The following CCDC38 variants were observed in gnomAD, a reference collection of about 807,000 sequenced individuals.
CCDC38 encodes coiled-coil domain containing 38.
CCDC38 carries 69 observed loss-of-function variants against 72.8 expected under a neutral mutation model. That is an observed-to-expected ratio of 0.95 (90% CI 0.78 to 1.16). CCDC38 has a LOEUF of 1.16. Among genes scored for constraint, CCDC38 ranks in the 50% most tolerant of loss-of-function variants. The pLI is 0.00. For missense variants in CCDC38, 626 were observed against 638.9 expected (o/e 0.98, Z 0.22); for synonymous variants, 201 against 213.2 (o/e 0.94, Z 0.50).
chr12:95,925,144 T>G (rs2080254789), intron 2 of CCDC38, among the ~76,000 whole-genome samples: 1 of 152,076 alleles, frequency 6.6e-6, no homozygotes, highest in Non-Finnish European at 1.5e-5. Flanking sequence ...ATGGCCATTT[T>G]CACGATATTG....
intron 15 of CCDC38, among the ~76,000 whole-genome samples, chr12:95,868,053 A>G (rs2079541869): frequency 6.6e-6 from 1 of 152,204 alleles, no homozygotes; most frequent in African/African-American, 2.4e-5. Context: ...CTTCTGCAAT[A>G]TCGGAATTTT....
intron 4 of CCDC38, among the ~76,000 whole-genome samples, chr12:95,915,512 G>A (rs11108331): frequency 4.6e-5 from 7 of 152,102 alleles, no homozygotes; most frequent in African/African-American, 1.4e-4. Context: ...GATGGGCACC[G>A]AGCAGTTTGC....
intron 2 of CCDC38, among the ~76,000 whole-genome samples, chr12:95,932,815 G>C (rs567111548): frequency 6.6e-6 from 1 of 152,292 alleles, no homozygotes; most frequent in African/African-American, 2.4e-5. Flanking sequence ...GACAAGAATA[G>C]TGAGAACCCT....
chr12:95,875,785 T>A (rs1004654362), intron 13 of CCDC38, among the ~76,000 whole-genome samples: 1 of 152,226 alleles, frequency 6.6e-6, no homozygotes. Flanking sequence ...TTTACACTTG[T>A]GATCAAAATT....
intron 13 of CCDC38, among the ~76,000 whole-genome samples, chr12:95,876,901 A>G (rs1279228834): frequency 2.6e-5 from 4 of 152,186 alleles, no homozygotes; most frequent in Non-Finnish European, 5.9e-5. Context: ...GTACTGACTG[A>G]GTGGTTAAGT....
Position 95,872,251 on chromosome 12 carries a change from G to T in CCDC38, c.1484+4C>A, listed in dbSNP as rs1259410343. ...TAAGTCATTCTTATCCTTATTGACT[G>T]TACTTTTGCCGCCATTCTTTCTGTT... On this transcript the variant is annotated splice_donor_region_variant and intron_variant, in intron 14 of 15. Transcript: ENST00000344280. 6.2e-7 allele frequency: 1 copy of T among 1,613,808 alleles called. No individual in the cohort carries two copies. The highest frequency in any genetic ancestry group is 1.1e-5 in the South Asian group (1 of 91,080).
At chr12:95,899,663 T>C (rs1428010781) in intron 5 of CCDC38, among the ~76,000 whole-genome samples, 1 of 152,136 alleles carries the variant, frequency 6.6e-6, no homozygotes, top group Non-Finnish European at 1.5e-5. Context: ...ATACATAATA[T>C]AAATGAATTG....
chr12:95,898,581 C>A lies in CCDC38; in HGVS notation c.520G>T (p.Asp174Tyr), dbSNP rs765648099. The change falls in exon 6 of 16, where the codon GAC becomes TAC. Residue 174 changes from aspartate (D) to tyrosine (Y), a missense_variant. Physicochemically the swap from Asp to Tyr is radical, Grantham distance 160 (BLOSUM62 -3). Coordinates refer to ENST00000344280, the MANE Select transcript of CCDC38 (RefSeq NM_182496.3). ...FLRENDQRSV[D>Y]ALKMAAQETI... ...GATGAAACAAACATTTTCAGAGCGT[C>A]TACAGATCTCTGGTCATTTTCTCGA... The A allele has an allele frequency of 6.2e-7, 1 of 1,614,152 alleles. No individual in the cohort carries two copies. The highest frequency in any genetic ancestry group is 1.1e-5 in the South Asian group (1 of 91,080).
At position 95,917,252 on chromosome 12, in the gene CCDC38, T is replaced by C; in HGVS notation, c.181A>G (p.Thr61Ala). The C allele has an allele frequency of 6.2e-7, 1 of 1,603,698 alleles. No homozygotes were observed. The highest frequency in any genetic ancestry group is 8.5e-7 in the Non-Finnish European group (1 of 1,178,000). The change falls in exon 4 of 16, where the codon ACT becomes GCT. Residue 61 changes from threonine to alanine, a missense_variant. Transcript: ENST00000344280. ...NRNMKVYQKT[T>A]FSSRMKSHSY... Reference sequence around the variant, plus strand: ...TGACTCTTCATTCTGGATGAAAAAGTAGTTTTCTGGTAGACTTTCATGTTA... The same window carrying C: ...TGACTCTTCATTCTGGATGAAAAAGCAGTTTTCTGGTAGACTTTCATGTTA...
At chr12:95,910,842 G>A (rs1210075891) in intron 4 of CCDC38, among the ~76,000 whole-genome samples, 1 of 151,902 alleles carries the variant, frequency 6.6e-6, no homozygotes, top group African/African-American at 2.4e-5. Flanking sequence ...TCAGCCTGGG[G>A]GACAGAGTAA....
intron 7 of CCDC38, among the ~76,000 whole-genome samples, chr12:95,896,033 G>A (rs1483113210): frequency 1.4e-5 from 2 of 146,140 alleles, no homozygotes; most frequent in Admixed American, 1.4e-4. Flanking sequence ...TCCAGCCTGG[G>A]CGACAGAACA....
chr12:95,924,785 A>T (rs2080250380), intron 2 of CCDC38, among the ~76,000 whole-genome samples: 1 of 147,552 alleles, frequency 6.8e-6, no homozygotes, highest in African/African-American at 2.5e-5. Context: ...AGCACCATTT[A>T]TTAAATAGGG....
chr12:95,869,414 A>AGTATTTTGTTTTT (rs1565939322), intron 15 of CCDC38, 66 bp downstream of exon 15: 1 of 1,181,956 alleles, frequency 8.5e-7, no homozygotes, highest in Non-Finnish European at 1.2e-6. Context: ...AGACGAATAA[A>AGTATTTTGTTTTT]GTATTTTGTT....
In CCDC38 at chr12:95,869,460, C is replaced by A. The variant is rs1288562834; in HGVS notation, c.1578+20G>T. ...GTATCACATATTGATATGGCTGGAT[C>A]TATTAATAGCAAAACAAACCTTTTT... On this transcript the variant is annotated intron_variant, in intron 15 of 15. Transcript: ENST00000344280. The A allele has an allele frequency of 6.3e-7, 1 of 1,580,114 alleles. No homozygotes were observed. The highest frequency in any genetic ancestry group is 8.7e-7 in the Non-Finnish European group (1 of 1,152,610).
At chr12:95,887,651 C>T (rs1337072547) in intron 10 of CCDC38, among the ~76,000 whole-genome samples, 1 of 152,142 alleles carries the variant, frequency 6.6e-6, no homozygotes, top group African/African-American at 2.4e-5. Context: ...CATGAAGAAC[C>T]CTGCGCTGAC....
Position 95,909,849 on chromosome 12 carries a change from C to T in CCDC38, c.305-3398G>A, listed in dbSNP as rs762571148. 7.8e-4 allele frequency among the ~76,000 whole-genome samples: 119 copies of T among 152,312 alleles called. 2 individuals carry two copies. The Middle Eastern group carries it at 0.017, about 22-fold the overall frequency. ...AGAAAAAGCATTCAATAAAATCCAACATCCCCTTATGATAAATACACTCAA... is the reference window on the plus strand; with the variant it reads ...AGAAAAAGCATTCAATAAAATCCAATATCCCCTTATGATAAATACACTCAA... On this transcript the variant is annotated intron_variant, in intron 4 of 15. Coordinates refer to ENST00000344280, the MANE Select transcript of CCDC38 (RefSeq NM_182496.3).
chr12:95,923,544 AAT>A (rs2080232742), intron 2 of CCDC38, among the ~76,000 whole-genome samples: 1 of 148,082 alleles, frequency 6.8e-6, no homozygotes, highest in Admixed American at 6.8e-5. Flanking sequence ...TTTTTTTTTT[AAT>A]TTATTATTAT....
intron 7 of CCDC38, among the ~76,000 whole-genome samples, chr12:95,897,331 G>A (rs945034959): frequency 3.4e-4 from 51 of 152,170 alleles, no homozygotes; most frequent in Admixed American, 3.9e-4. Context: ...TAGTTAGGCC[G>A]GGCGCGGTGA....
At chr12:95,936,685 G>A (rs1039822491) in intron 1 of CCDC38, among the ~76,000 whole-genome samples, 162 bp from the exon 2 acceptor site, 3 of 152,104 alleles carry the variant, frequency 2.0e-5, no homozygotes, top group Non-Finnish European at 2.9e-5. Flanking sequence ...GGTATCTTAT[G>A]TCAAGAAAAT....
Sources: allele counts gnomAD v4.1 joint callset (sites outside exome capture counted in the v4.1 genomes callset), GRCh38; gene constraint gnomAD v4.1.1; transcripts MANE v1.5; gene names NCBI Gene and HGNC (gene_info 2026-07-23, HGNC 2026-07-21).